The following GRID2 variants were observed in gnomAD, a reference collection of about 807,000 sequenced individuals.
GRID2 encodes glutamate receptor ionotropic, delta-2.
Under a neutral mutation model 114.8 loss-of-function variants are expected in GRID2, and 33 were observed. That is an observed-to-expected ratio of 0.29 (90% CI 0.22 to 0.38). GRID2 has a LOEUF of 0.38. GRID2 is among the 10% of genes least tolerant of loss of function. The pLI, the probability that GRID2 is intolerant of heterozygous loss-of-function variation, is 1.00. For synonymous variants in GRID2, 505 were observed against 449.9 expected (o/e 1.12, Z -1.55); for missense variants, 1,184 against 1,257.7 (o/e 0.94, Z 0.89).
chr4:93,395,809 A>G, intron 9 of GRID2, 101 bp downstream of exon 9: 1 of 550,856 alleles, frequency 1.8e-6, no homozygotes, highest in Non-Finnish European at 3.3e-6. Context: ...AGAGATTTTA[A>G]CAAATTCTAA....
intron 9 of GRID2, among the ~76,000 whole-genome samples, chr4:93,413,264 T>A (rs989045598): frequency 6.6e-6 from 1 of 152,210 alleles, no homozygotes; most frequent in African/African-American, 2.4e-5. Flanking sequence ...ATCTGCTGTT[T>A]CCCAGCTTTT....
chr4:93,481,842 A>C (rs1725902297), intron 11 of GRID2, among the ~76,000 whole-genome samples: 1 of 152,000 alleles, frequency 6.6e-6, no homozygotes, highest in African/African-American at 2.4e-5. Flanking sequence ...AAAAATGAGC[A>C]GGGTCAGTGC....
chr4:93,522,252 A>G (rs1359422796), intron 13 of GRID2, among the ~76,000 whole-genome samples: 2 of 152,164 alleles, frequency 1.3e-5, no homozygotes, highest in African/African-American at 4.8e-5. Flanking sequence ...TCATCACCAA[A>G]GTGTAAGCAG....
At chr4:93,590,370 G>T (rs1446922040) in intron 13 of GRID2, among the ~76,000 whole-genome samples, 3 of 150,172 alleles carry the variant, frequency 2.0e-5, no homozygotes, top group Non-Finnish European at 3.0e-5. Flanking sequence ...GTTGTAGATA[G>T]GTGGCGTTAT....
chr4:93,116,492 C>T (rs1733273655), intron 4 of GRID2, among the ~76,000 whole-genome samples: 1 of 152,044 alleles, frequency 6.6e-6, no homozygotes, highest in Non-Finnish European at 1.5e-5. Flanking sequence ...TGAATTATTA[C>T]TTTTCTTACT....
chr4:92,795,707 A>G (rs1047019456), intron 2 of GRID2, among the ~76,000 whole-genome samples: 2 of 152,026 alleles, frequency 1.3e-5, no homozygotes, highest in Non-Finnish European at 2.9e-5. Flanking sequence ...ATAGTCTTGA[A>G]TAATTGGAAC....
intron 1 of GRID2, among the ~76,000 whole-genome samples, chr4:92,308,479 A>G (rs1178761083): frequency 6.6e-6 from 1 of 152,176 alleles, no homozygotes; most frequent in African/African-American, 2.4e-5. Context: ...TTTTCTCACA[A>G]ACAGATGATA....
At chr4:92,808,285 T>C (rs1382154321) in intron 2 of GRID2, among the ~76,000 whole-genome samples, 1 of 152,028 alleles carries the variant, frequency 6.6e-6, no homozygotes, top group East Asian at 1.9e-4. Flanking sequence ...TATAAGATAA[T>C]GTATTCGTGT....
intron 11 of GRID2, among the ~76,000 whole-genome samples, chr4:93,458,975 T>C (rs1304359121): frequency 1.3e-5 from 2 of 150,920 alleles, no homozygotes; most frequent in Non-Finnish European, 3.0e-5. Context: ...AGGTCAGGAG[T>C]TCGAGACCAG....
At chr4:92,711,173 A>G (rs1051292633) in intron 2 of GRID2, among the ~76,000 whole-genome samples, 1 of 152,172 alleles carries the variant, frequency 6.6e-6, no homozygotes, top group Non-Finnish European at 1.5e-5. Flanking sequence ...TTATTCCAAA[A>G]GTAAAATTTT....
intron 1 of GRID2, among the ~76,000 whole-genome samples, chr4:92,577,019 C>CTACA (rs990953686): frequency 6.6e-6 from 1 of 152,138 alleles, no homozygotes; most frequent in Non-Finnish European, 1.5e-5. Flanking sequence ...GCTCCATTTT[C>CTACA]TACATATTTA....
At chr4:93,376,627 A>T (rs578033730) in intron 8 of GRID2, among the ~76,000 whole-genome samples, 12 of 152,314 alleles carry the variant, frequency 7.9e-5, no homozygotes, top group Non-Finnish European at 1.6e-4. Context: ...AAACTATTCT[A>T]ACTGTGCAGC....
At chr4:92,451,479 A>G (rs137993337) in intron 1 of GRID2, among the ~76,000 whole-genome samples, 3 of 152,318 alleles carry the variant, frequency 2.0e-5, no homozygotes, top group African/African-American at 7.2e-5. Context: ...CACTTACAAC[A>G]TGCAGATACA....
intron 1 of GRID2, among the ~76,000 whole-genome samples, chr4:92,557,547 A>G (rs1726909164): frequency 6.6e-6 from 1 of 150,692 alleles, no homozygotes; most frequent in Non-Finnish European, 1.5e-5. Context: ...ATATTTCTGT[A>G]TTAGATATTT....
chr4:93,709,975 G>A (rs1728343598), intron 14 of GRID2, among the ~76,000 whole-genome samples: 1 of 151,948 alleles, frequency 6.6e-6, no homozygotes, highest in African/African-American at 2.4e-5. Context: ...TTTTTTCTCT[G>A]TTATCTTGAA....
At chr4:92,583,068 G>T (rs928472070) in intron 1 of GRID2, among the ~76,000 whole-genome samples, 6 of 151,934 alleles carry the variant, frequency 3.9e-5, no homozygotes, top group African/African-American at 1.4e-4. Flanking sequence ...TATATTGCCA[G>T]TTATTAAGCT....
intron 14 of GRID2, among the ~76,000 whole-genome samples, chr4:93,708,988 C>G (rs185711391): frequency 8.4e-4 from 128 of 152,154 alleles, no homozygotes; most frequent in Middle Eastern, 6.8e-3. Context: ...GAAAACTACA[C>G]TTTAACTTCA....
intron 13 of GRID2, among the ~76,000 whole-genome samples, chr4:93,524,722 A>G (rs1028254105): frequency 1.3e-5 from 2 of 149,070 alleles, no homozygotes; most frequent in Non-Finnish European, 3.0e-5. Context: ...GACAAATCAT[A>G]CTACAAATAC....
intron 2 of GRID2, among the ~76,000 whole-genome samples, chr4:93,031,536 C>T (rs1392188764): frequency 6.6e-6 from 1 of 152,008 alleles, no homozygotes; most frequent in Non-Finnish European, 1.5e-5. Context: ...TCCTATGTGT[C>T]GTGGGAGGAA....
Sources: gnomAD v4.1 joint callset for allele counts (sites outside exome capture counted in the v4.1 genomes callset) on GRCh38, gnomAD v4.1.1 for gene constraint, MANE v1.5 for transcripts, NCBI Gene and HGNC (gene_info 2026-07-23, HGNC 2026-07-21) for gene names.